The following IGFBP7 variants were observed in gnomAD, a reference collection of about 807,000 sequenced individuals.
IGFBP7 encodes the protein insulin like growth factor binding protein 7, also known as insulin-like growth factor-binding protein 7.
A neutral mutation model predicts 29.4 loss-of-function variants in IGFBP7; 31 were observed. The ratio of observed to expected loss-of-function variants is 1.05; its 90% CI spans 0.79 to 1.42. The LOEUF is 1.42. Ranked by LOEUF, IGFBP7 falls within the 40% of genes most tolerant of loss-of-function variation. The probability of loss-of-function intolerance (pLI) is 0.00; values close to 1 mark genes in which losing one functional copy is unlikely to be tolerated. For synonymous variants in IGFBP7, 172 were observed against 174.9 expected (o/e 0.98, Z 0.13); for missense variants, 393 against 395.5 (o/e 0.99, Z 0.05).
rs1724827573 is a variant in IGFBP7, at chr4:57,062,711, A to T, written c.476-21778T>A. 2.0e-5 allele frequency among the ~76,000 whole-genome samples: 3 copies of T among 152,248 alleles called. No individual in the cohort carries two copies. In the South Asian group the frequency reaches 6.2e-4, roughly 32 times the overall value. ...TGCTTTGTGTTTCGTCTTGCAAATC[A>T]TTAAAAAGATGCCATATGCATAGAA... On this transcript the variant is annotated intron_variant, in intron 1 of 4. Transcript: ENST00000295666.
At position 57,030,789 on chromosome 4, in the gene IGFBP7, C is replaced by A; in HGVS notation, c.*528G>T. 4.4e-6 allele frequency: 3 copies of A among 677,008 alleles called. No homozygotes were observed. The highest frequency in any genetic ancestry group is 5.4e-6 in the Non-Finnish European group (2 of 371,060). 41.9% of individuals were successfully genotyped at this position (677,008 alleles called of 1,614,324 possible). A position where few individuals can be genotyped will look rare whatever the true frequency, so the allele number is the denominator to read the frequency against. On this transcript the variant is annotated 3_prime_UTR_variant, in exon 5 of 5. Coordinates refer to ENST00000295666, the MANE Select transcript of IGFBP7 (RefSeq NM_001553.3). ...GTAGCAGAATGTGTGTTCTCAGCTC[C>A]ACTCATTTATTCATTATCTACAGTA...
At position 57,110,186 on chromosome 4, in the gene IGFBP7, C is replaced by T; in HGVS notation, c.166G>A (p.Ala56Thr). 2 of 1,389,460 alleles carry T rather than the reference C, an allele frequency of 1.4e-6. No individual in the cohort carries two copies. Among genetic ancestry groups the T allele is most frequent in the Non-Finnish European group, 1.8e-6 (2 of 1,081,200 alleles). The allele number at this position is 1,389,460 out of a possible 1,614,324, so 86.1% of individuals were successfully genotyped here. A position where few individuals can be genotyped will look rare whatever the true frequency, so the allele number is the denominator to read the frequency against. The stretch of plus-strand genomic sequence containing the variant: ...GCGCACATAGGGCAGCAGCCGCACG[C>T]GTCGCGGGTCTCGCCCAGCAGGCAG... Reference protein sequence around the residue: ...LGCLLGETRDACGCCPMCARG... With the variant: ...LGCLLGETRDTCGCCPMCARG... The change falls in exon 1 of 5, where the codon GCG (alanine) becomes ACG (threonine). Residue 56 changes from alanine to threonine, a missense_variant. Ala to Thr is a moderately conservative substitution (Grantham distance 58, BLOSUM62 0). Transcript: ENST00000295666.
chr4:57,037,375 T>G lies in IGFBP7; in HGVS notation c.585+3449A>C, dbSNP rs559443348. Reference sequence around the variant, plus strand: ...CCATCTCGTTGACTGACATAGTGGGTTTTTTGGTTTTTTTTTTCAGAGACA... The same window carrying G: ...CCATCTCGTTGACTGACATAGTGGGGTTTTTGGTTTTTTTTTTCAGAGACA... On this transcript the variant is annotated intron_variant, in intron 2 of 4. Coordinates refer to ENST00000295666, the MANE Select transcript of IGFBP7 (RefSeq NM_001553.3). Among the ~76,000 whole-genome samples the G allele has an allele frequency of 8.8e-3, 528 of 59,998 alleles. 5 individuals are homozygous for G. The highest frequency in any genetic ancestry group is 0.042 in the African/African-American group (515 of 12,340). 39.4% of individuals were successfully genotyped at this position (59,998 alleles called of 152,430 possible). A position where few individuals can be genotyped will look rare whatever the true frequency, so the allele number is the denominator to read the frequency against.
rs1560511921 is a variant in IGFBP7 at position 57,109,868 on chromosome 4, C to CGT, written c.475+7_475+8dup. On this transcript the variant is annotated intron_variant, in intron 1 of 4. Coordinates refer to ENST00000295666, the MANE Select transcript of IGFBP7 (RefSeq NM_001553.3). ...GCGCAGGGTTGGAGAGGGAAGCGCT[C>CGT]GTGCCCACCTTGCTCGCAGGTGCCC... 4.6e-6 allele frequency: 7 copies of CGT among 1,537,748 alleles called. No homozygotes were observed. The South Asian group carries it at 8.3e-5, about 18-fold the overall frequency.
At chr4:57,070,067 T>G (rs1725019585) in intron 1 of IGFBP7, among the ~76,000 whole-genome samples, 1 of 152,126 alleles carries the variant, frequency 6.6e-6, no homozygotes, top group African/African-American at 2.4e-5. Flanking sequence ...GGTGGCAAAG[T>G]GAGATCCTGT....
chr4:57,087,014 G>A (rs548307463), intron 1 of IGFBP7, among the ~76,000 whole-genome samples: 12 of 152,284 alleles, frequency 7.9e-5, no homozygotes, highest in African/African-American at 2.4e-4. Flanking sequence ...GACCACAGGC[G>A]TGAGCCACTG....
chr4:57,065,330 A>G (rs1724892703), intron 1 of IGFBP7, among the ~76,000 whole-genome samples: 1 of 152,184 alleles, frequency 6.6e-6, no homozygotes, highest in African/African-American at 2.4e-5. Context: ...TGAGTTTGAG[A>G]CTCTGATTCA....
At chr4:57,072,159 G>C (rs1725067685) in intron 1 of IGFBP7, among the ~76,000 whole-genome samples, 1 of 151,588 alleles carries the variant, frequency 6.6e-6, no homozygotes, top group Non-Finnish European at 1.5e-5. Context: ...ACCCTCCACT[G>C]TCAGGTAGAC....
chr4:57,044,818 C>G (rs138506699), intron 1 of IGFBP7, among the ~76,000 whole-genome samples: 2 of 152,162 alleles, frequency 1.3e-5, no homozygotes, highest in South Asian at 4.1e-4. Context: ...TCTGTTCCCC[C>G]CCAATCATCT....
chr4:57,077,896 G>A (rs1725266568), intron 1 of IGFBP7, among the ~76,000 whole-genome samples: 1 of 152,174 alleles, frequency 6.6e-6, no homozygotes, highest in Non-Finnish European at 1.5e-5. Context: ...TGTGATGCAG[G>A]CGCAGGGCTT....
intron 1 of IGFBP7, among the ~76,000 whole-genome samples, chr4:57,100,343 G>C (rs1028086004): frequency 6.6e-6 from 1 of 152,074 alleles, no homozygotes; most frequent in African/African-American, 2.4e-5. Flanking sequence ...GCCTCCCAAA[G>C]TACTGGGATT....
intron 1 of IGFBP7, among the ~76,000 whole-genome samples, chr4:57,086,145 G>A (rs1298412332): frequency 1.3e-5 from 2 of 152,314 alleles, no homozygotes; most frequent in Non-Finnish European, 2.9e-5. Context: ...CATGGTGTCA[G>A]GCAAGAGAGC....
At chr4:57,061,870 C>T (rs35445560) in intron 1 of IGFBP7, among the ~76,000 whole-genome samples, 32,518 of 151,942 alleles carry the variant, frequency 0.21, 3,602 homozygotes, top group East Asian at 0.31. Flanking sequence ...TGCTACGTTG[C>T]CAGGCTGGTC....
chr4:57,110,293 A>G lies in IGFBP7; in HGVS notation c.59T>C (p.Leu20Pro), dbSNP rs771241820. The G allele has an allele frequency of 5.6e-6, 8 of 1,424,614 alleles. No individual in the cohort carries two copies. The Middle Eastern group carries it at 1.3e-3, about 223-fold the overall frequency. 88.2% of individuals were successfully genotyped at this position (1,424,614 alleles called of 1,614,324 possible). The stretch of plus-strand genomic sequence containing the variant: ...AGAGGAGGAAGAGGAGAGGGGCAGG[A>G]GCAGGAGCAGCAGCCCAGCGGCGCC... ...LLGAAGLLLLLLPLSSSSSSD... is the reference protein window; with the variant it reads ...LLGAAGLLLLPLPLSSSSSSD... The change falls in exon 1 of 5, where the codon CTC becomes CCC. Residue 20 changes from leucine to proline, a missense_variant. Transcript: ENST00000295666.
chr4:57,095,150 G>A (rs1377541446), intron 1 of IGFBP7, among the ~76,000 whole-genome samples: 2 of 152,192 alleles, frequency 1.3e-5, no homozygotes, highest in Non-Finnish European at 2.9e-5. Flanking sequence ...TGTTAGACAA[G>A]CTTCATTCTG....
chr4:57,054,886 G>A (rs1383442384), intron 1 of IGFBP7, among the ~76,000 whole-genome samples: 2 of 152,128 alleles, frequency 1.3e-5, no homozygotes, highest in African/African-American at 4.8e-5. Context: ...AACACCTTGG[G>A]TCTTCAGTAG....
At chr4:57,049,207 G>A (rs1724441379) in intron 1 of IGFBP7, among the ~76,000 whole-genome samples, 1 of 152,056 alleles carries the variant, frequency 6.6e-6, no homozygotes, top group Non-Finnish European at 1.5e-5. Flanking sequence ...TCATCTGAAA[G>A]AGCTGTGTAG....
chr4:57,097,711 A>T (rs890724659), intron 1 of IGFBP7, among the ~76,000 whole-genome samples: 9 of 148,036 alleles, frequency 6.1e-5, no homozygotes, highest in African/African-American at 2.2e-4. Context: ...TCTTGCAGGT[A>T]AAAAAAAATC....
chr4:57,073,292 A>T (rs941814282), intron 1 of IGFBP7, among the ~76,000 whole-genome samples: 1 of 152,012 alleles, frequency 6.6e-6, no homozygotes, highest in African/African-American at 2.4e-5. Context: ...CTTGTGATGT[A>T]TATTAAATAA....
Sources: allele counts gnomAD v4.1 joint callset (sites outside exome capture counted in the v4.1 genomes callset), GRCh38; gene constraint gnomAD v4.1.1; transcripts MANE v1.5; gene names NCBI Gene and HGNC (gene_info 2026-07-23, HGNC 2026-07-21).